Variants in PAX5 observed in about 807,000 individuals in gnomAD.
PAX5 encodes paired box 5.
In PAX5, 9 loss-of-function variants were observed where a neutral mutation model predicts 43.7. The observed-to-expected ratio is 0.21, with a 90% confidence interval of 0.12 to 0.36. The LOEUF is 0.36. Ranked by LOEUF, PAX5 falls within the 10% of genes least tolerant of loss-of-function variation. The pLI is 1.00. For missense variants in PAX5, 383 were observed against 532.7 expected (o/e 0.72, Z 2.77); for synonymous variants, 228 against 214.3 (o/e 1.06, Z -0.56).
chr9:36,885,367 G>A (rs55744386), intron 7 of PAX5, among the ~76,000 whole-genome samples: 4,414 of 152,238 alleles, frequency 0.029, 92 homozygotes, highest in South Asian at 0.047. Flanking sequence ...CCACTTATTA[G>A]CTGTGTGACC....
intron 7 of PAX5, among the ~76,000 whole-genome samples, chr9:36,913,876 G>A (rs940896468): frequency 2.0e-5 from 3 of 152,132 alleles, no homozygotes; most frequent in African/African-American, 4.8e-5. Flanking sequence ...AGGTGGGGCC[G>A]GAAGGTTCTG....
chr9:36,986,278 A>C (rs1433340939), intron 5 of PAX5, among the ~76,000 whole-genome samples: 1 of 149,038 alleles, frequency 6.7e-6, no homozygotes, highest in Non-Finnish European at 1.5e-5. Flanking sequence ...GCCGCGCGGC[A>C]ATCAGCGGGC....
chr9:36,951,214 C>T (rs1832981707), intron 6 of PAX5, among the ~76,000 whole-genome samples: 1 of 152,086 alleles, frequency 6.6e-6, no homozygotes, highest in African/African-American at 2.4e-5. Context: ...AATTGTTGTC[C>T]TTTCATGTGT....
chr9:36,867,471 G>A (rs1366224611), intron 8 of PAX5, among the ~76,000 whole-genome samples: 2 of 151,920 alleles, frequency 1.3e-5, no homozygotes, highest in South Asian at 2.1e-4. Flanking sequence ...CTGTAAAAGG[G>A]GCTACCGTGA....
intron 5 of PAX5, among the ~76,000 whole-genome samples, chr9:36,989,141 G>A (rs1329590032): frequency 2.0e-5 from 3 of 152,232 alleles, no homozygotes; most frequent in Non-Finnish European, 4.4e-5. Context: ...GTACCCCTGA[G>A]TGATGCAACA....
In PAX5 at chr9:36,959,023, G is replaced by A. The variant is rs117877183; in HGVS notation, c.780+7526C>T. On this transcript the variant is annotated intron_variant, in intron 6 of 9. Coordinates refer to ENST00000358127, the MANE Select transcript of PAX5 (RefSeq NM_016734.3). ...TCATCCAATGGCCTCCCAAGACCCTGCAGTCCCCACCCCTTTGCTGCTCAG... is the reference window on the plus strand; with the variant it reads ...TCATCCAATGGCCTCCCAAGACCCTACAGTCCCCACCCCTTTGCTGCTCAG... 3.5e-4 allele frequency among the ~76,000 whole-genome samples: 54 copies of A among 152,280 alleles called. No individual in the cohort carries two copies. In the East Asian group the frequency reaches 9.3e-3, roughly 26 times the overall value.
intron 3 of PAX5, 71 bp from the exon 4 acceptor site, chr9:37,006,608 C>A: frequency 8.1e-7 from 1 of 1,230,762 alleles, no homozygotes; most frequent in Non-Finnish European, 1.2e-6. Context: ...CAGCTATGCA[C>A]AGACAACCAG....
chr9:36,963,098 T>A (rs1372145590), intron 6 of PAX5, among the ~76,000 whole-genome samples: 1 of 152,230 alleles, frequency 6.6e-6, no homozygotes, highest in Non-Finnish European at 1.5e-5. Flanking sequence ...TGTGTGTGGG[T>A]GCAGGGCAGC....
At chr9:36,891,268 A>T (rs142623725) in intron 7 of PAX5, among the ~76,000 whole-genome samples, 1 of 152,366 alleles carries the variant, frequency 6.6e-6, no homozygotes, top group African/African-American at 2.4e-5. Flanking sequence ...GCCAAAGACA[A>T]TGACATGAGC....
intron 6 of PAX5, among the ~76,000 whole-genome samples, chr9:36,933,986 C>T (rs1260736647): frequency 6.6e-6 from 1 of 152,128 alleles, no homozygotes; most frequent in Non-Finnish European, 1.5e-5. Flanking sequence ...TGGGGTTCTC[C>T]TTGATATGGC....
Position 37,003,154 on chromosome 9 carries a change from T to TAAAAAAAAAA in PAX5, c.476-388_476-379dup, listed in dbSNP as rs67081521. ...CCGGGGCCCACCAACAGTCAGTGCT[T>TAAAAAAAAAA]AAAAAAAAAAAAAAAAAAAAAAAAA... On this transcript the variant is annotated intron_variant, in intron 4 of 9. Coordinates refer to ENST00000358127, the MANE Select transcript of PAX5 (RefSeq NM_016734.3). Among the ~76,000 whole-genome samples, 20 of 75,830 alleles carry TAAAAAAAAAA rather than the reference T, an allele frequency of 2.6e-4. 1 individual carries two copies. In the East Asian group the frequency reaches 7.7e-3, roughly 29 times the overall value. 49.7% of individuals were successfully genotyped at this position (75,830 alleles called of 152,430 possible).
intron 7 of PAX5, among the ~76,000 whole-genome samples, chr9:36,919,848 A>T (rs1830011225): frequency 2.4e-5 from 2 of 81,634 alleles, no homozygotes; most frequent in Admixed American, 2.9e-4. Flanking sequence ...TCAAAAAAAA[A>T]AAAAAAAAAA....
At chr9:36,959,380 G>A (rs1282614254) in intron 6 of PAX5, among the ~76,000 whole-genome samples, 1 of 152,214 alleles carries the variant, frequency 6.6e-6, no homozygotes, top group Non-Finnish European at 1.5e-5. Flanking sequence ...GAAAGCTTGG[G>A]CTATTAGTGA....
Position 36,924,196 on chromosome 9 carries a change from C to T in PAX5, c.781-712G>A, listed in dbSNP as rs140790378. 1.7e-4 allele frequency among the ~76,000 whole-genome samples: 26 copies of T among 152,340 alleles called. No homozygotes were observed. The East Asian group carries it at 5.0e-3, about 29-fold the overall frequency. On this transcript the variant is annotated intron_variant, in intron 6 of 9. Coordinates refer to ENST00000358127, the MANE Select transcript of PAX5 (RefSeq NM_016734.3). The stretch of plus-strand genomic sequence containing the variant: ...CATATCTAATTTACCAAGTCCACAC[C>T]AACCATGTGTATTTAGCCCATGAGT...
rs73451152 is a variant in PAX5 at position 36,859,034 on chromosome 9, C to A, written c.1013-12105G>T. Among the ~76,000 whole-genome samples, 834 of 152,254 alleles carry A rather than the reference C, an allele frequency of 5.5e-3. 7 individuals carry two copies. Among genetic ancestry groups the A allele is most frequent in the African/African-American group, 0.019 (786 of 41,562 alleles). On this transcript the variant is annotated intron_variant, in intron 8 of 9. Coordinates refer to ENST00000358127, the MANE Select transcript of PAX5 (RefSeq NM_016734.3). ...ACCAAGTGTCTGCGAGGAGACCAGA[C>A]AAGATTTACCTCCACAATTACTACC... is the stretch of plus-strand genomic sequence containing the variant.
intron 3 of PAX5, among the ~76,000 whole-genome samples, 166 bp downstream of exon 3, chr9:37,014,831 G>T (rs1176472697): frequency 6.6e-6 from 1 of 152,082 alleles, no homozygotes; most frequent in Non-Finnish European, 1.5e-5. Context: ...AGAAGAGAAG[G>T]GTAACAGAGA....
intron 6 of PAX5, among the ~76,000 whole-genome samples, chr9:36,950,415 C>T (rs561652621): frequency 1.3e-5 from 2 of 152,326 alleles, no homozygotes; most frequent in African/African-American, 4.8e-5. Flanking sequence ...AATGCCAAAG[C>T]TCAGAGCTGG....
At chr9:36,910,530 T>C (rs1431650655) in intron 7 of PAX5, among the ~76,000 whole-genome samples, 1 of 152,142 alleles carries the variant, frequency 6.6e-6, no homozygotes, top group African/African-American at 2.4e-5. Flanking sequence ...AAAAACTCTA[T>C]GCAAATCAAA....
intron 5 of PAX5, among the ~76,000 whole-genome samples, chr9:36,994,920 T>C (rs1235652839): frequency 6.6e-6 from 1 of 152,124 alleles, no homozygotes; most frequent in African/African-American, 2.4e-5. Context: ...GGGTTCTACG[T>C]GATGCCCCCA....
Sources: gnomAD v4.1 joint callset for allele counts (sites outside exome capture counted in the v4.1 genomes callset) on GRCh38, gnomAD v4.1.1 for gene constraint, MANE v1.5 for transcripts, NCBI Gene and HGNC (gene_info 2026-07-23, HGNC 2026-07-21) for gene names.